SARAF: variants seen among roughly 807,000 people sequenced by gnomAD.
SARAF encodes store-operated calcium entry-associated regulatory factor.
A neutral mutation model predicts 39.7 loss-of-function variants in SARAF; 23 were observed. The observed-to-expected ratio is 0.58, with a 90% CI of 0.42 to 0.82. The LOEUF (loss-of-function observed/expected upper bound fraction) is 0.82. SARAF is among the 40% of genes least tolerant of loss of function. The pLI, the probability that SARAF is intolerant of heterozygous loss-of-function variation, is 0.00. For synonymous variants in SARAF, 175 were observed against 168.5 expected (o/e 1.04, Z -0.30); for missense variants, 384 against 418.5 (o/e 0.92, Z 0.72).
intron 1 of SARAF, among the ~76,000 whole-genome samples, chr8:30,076,576 T>A (rs755922118): frequency 3.3e-5 from 5 of 152,238 alleles, no homozygotes; most frequent in Non-Finnish European, 7.3e-5. Flanking sequence ...GTCCCTGCTA[T>A]GGTTTGAATG....
intron 1 of SARAF, among the ~76,000 whole-genome samples, chr8:30,075,261 T>C (rs550808016): frequency 2.0e-5 from 3 of 149,266 alleles, no homozygotes; most frequent in South Asian, 2.1e-4. Context: ...GATCACACCA[T>C]TGCACTCCAG....
chr8:30,082,501 T>G, intron 1 of SARAF: 1 of 210,488 alleles, frequency 4.8e-6, no homozygotes, highest in Non-Finnish European at 9.6e-6. Context: ...CACACAGCCA[T>G]AACAACAAAG....
At position 30,069,777 on chromosome 8, in the gene SARAF, C is replaced by T. The variant is rs560612330; in HGVS notation, c.565G>A (p.Val189Ile). 2 of 1,614,138 alleles carry T rather than the reference C, an allele frequency of 1.2e-6. No homozygotes were observed. The highest frequency in any genetic ancestry group is 2.2e-5 in the East Asian group (1 of 44,870). The change falls in exon 3 of 6, where the codon GTC (valine) becomes ATC (isoleucine). Residue 189 changes from valine to isoleucine, a missense_variant. Val to Ile is a conservative substitution (Grantham distance 29, BLOSUM62 3). Coordinates refer to ENST00000256255, the MANE Select transcript of SARAF (RefSeq NM_016127.6). ...CCGTCACTCAGGAACAGCTTATAGA[C>T]TACAAACGCGATCCCAAGGAGTACC... ...IVVLLGIAFV[V>I]YKLFLSDGQY... is the part of the protein sequence containing the mutation.
At chr8:30,073,788 T>G (rs2117434476) in intron 2 of SARAF, 89 bp downstream of exon 2, 3 of 1,156,292 alleles carry the variant, frequency 2.6e-6, no homozygotes, top group Non-Finnish European at 3.7e-6. Context: ...TTTCCGTAGG[T>G]GCACCCTCAA....
intron 5 of SARAF, among the ~76,000 whole-genome samples, chr8:30,064,688 A>C (rs1475056072): frequency 6.7e-6 from 1 of 150,058 alleles, no homozygotes; most frequent in African/African-American, 2.5e-5. Context: ...TCACCCTCCC[A>C]AATAGCTGGG....
chr8:30,063,907 C>T lies in SARAF; in HGVS notation c.1001G>A (p.Gly334Asp), dbSNP rs748398717. Residue 334 changes from glycine to aspartate, a missense_variant, in exon 6 of 6, where the codon GGT (glycine) becomes GAT (aspartate). Physicochemically the swap from Gly to Asp is moderately conservative, Grantham distance 94 (BLOSUM62 -1). Coordinates refer to ENST00000256255, the MANE Select transcript of SARAF (RefSeq NM_016127.6). ...TCTACTTTATCGTCTCCTGGTACCA[C>T]CATATCCTAGAATGAGAGGGGTAAA... ...DTKTRTASGYGGTRRR is the reference protein window; with the variant it reads ...DTKTRTASGYDGTRRR The T allele has an allele frequency of 6.2e-7, 1 of 1,610,220 alleles. No homozygotes were observed. The highest frequency in any genetic ancestry group is 1.1e-5 in the South Asian group (1 of 90,104).
intron 3 of SARAF, among the ~76,000 whole-genome samples, chr8:30,069,419 C>T (rs60555659): frequency 0.071 from 10,816 of 152,014 alleles, 441 homozygotes; most frequent in African/African-American, 0.11. Flanking sequence ...GGATTACAGG[C>T]GTGAGCCACC....
chr8:30,081,816 T>C (rs766911611), intron 1 of SARAF, among the ~76,000 whole-genome samples: 4 of 151,898 alleles, frequency 2.6e-5, no homozygotes, highest in African/African-American at 7.3e-5. Context: ...TCTAAGTATA[T>C]AGACATATAC....
At chr8:30,080,692 G>A (rs1355406573) in intron 1 of SARAF, among the ~76,000 whole-genome samples, 1 of 152,176 alleles carries the variant, frequency 6.6e-6, no homozygotes, top group Non-Finnish European at 1.5e-5. Context: ...AATCTCTTTA[G>A]AATGGTGCTA....
At chr8:30,078,150 A>AAAAG (rs1554527322) in intron 1 of SARAF, 11 of 349,946 alleles carry the variant, frequency 3.1e-5, no homozygotes, top group African/African-American at 2.1e-4. Flanking sequence ...AAAAAAAAAA[A>AAAAG]AAAGAAAGAA....
rs1029727869 is a variant in SARAF, at chr8:30,063,275, G to C, written c.*613C>G. The stretch of plus-strand genomic sequence containing the variant: ...TTTCAAGCATTTTTGCCAGCACAGA[G>C]TCATTCACAACAACCTTCTAGATGC... On this transcript the variant is annotated 3_prime_UTR_variant, in exon 6 of 6. Coordinates refer to ENST00000256255, the MANE Select transcript of SARAF (RefSeq NM_016127.6). 2 of 152,310 alleles carry C rather than the reference G, an allele frequency of 1.3e-5. No individual in the cohort carries two copies. Among genetic ancestry groups the C allele is most frequent in the African/African-American group, 2.4e-5 (1 of 41,430 alleles). 9.4% of individuals were successfully genotyped at this position (152,310 alleles called of 1,614,324 possible).
At chr8:30,078,003 G>A (rs377491896) in intron 1 of SARAF, among the ~76,000 whole-genome samples, 14 of 151,376 alleles carry the variant, frequency 9.2e-5, no homozygotes, top group African/African-American at 3.4e-4. Context: ...AGCCAGGCAT[G>A]GTGGCGGGCA....
At chr8:30,081,364 A>C (rs1802094853) in intron 1 of SARAF, among the ~76,000 whole-genome samples, 1 of 152,158 alleles carries the variant, frequency 6.6e-6, no homozygotes, top group Non-Finnish European at 1.5e-5. Flanking sequence ...TCCTTTATTA[A>C]ATTTATTTAC....
Position 30,083,038 on chromosome 8 carries a change from G to T in SARAF, c.-89C>A. 1 of 966,646 alleles carries T rather than the reference G, an allele frequency of 1.0e-6. No individual in the cohort carries two copies. The highest frequency in any genetic ancestry group is 1.5e-6 in the Non-Finnish European group (1 of 675,282). The allele number at this position is 966,646 out of a possible 1,614,324, so 59.9% of individuals were successfully genotyped here. A position where few individuals can be genotyped will look rare whatever the true frequency, so the allele number is the denominator to read the frequency against. On this transcript the variant is annotated 5_prime_UTR_variant, in exon 1 of 6. Coordinates refer to ENST00000256255, the MANE Select transcript of SARAF (RefSeq NM_016127.6). ...GCGCGCGACGCTGCGCAGCTACACC[G>T]CTACCCCTGGCGGCGGCGAAGGAAC...
At chr8:30,066,723 GC>G in intron 4 of SARAF, 53 bp downstream of exon 4, 1 of 1,573,028 alleles carries the variant, frequency 6.4e-7, no homozygotes, top group Non-Finnish European at 8.6e-7. Flanking sequence ...TAAATTGTAA[GC>G]AAAACAAGCC....
At chr8:30,064,002 G>T in intron 5 of SARAF, 89 bp from the exon 6 acceptor site, 1 of 1,143,178 alleles carries the variant, frequency 8.7e-7, no homozygotes, top group Non-Finnish European at 1.3e-6. Flanking sequence ...TTTATTGTCA[G>T]CAAATGAATG....
chr8:30,067,059 T>G (rs949791186), intron 3 of SARAF, 141 bp from the exon 4 acceptor site: 4 of 862,756 alleles, frequency 4.6e-6, no homozygotes, highest in Non-Finnish European at 7.1e-6. Context: ...CAAGTTGTAT[T>G]CAAAAAGGTA....
At chr8:30,065,846 T>A in intron 5 of SARAF, 142 bp downstream of exon 5, 1 of 897,620 alleles carries the variant, frequency 1.1e-6, no homozygotes, top group Non-Finnish European at 1.8e-6. Context: ...AAGTGGGATC[T>A]CAGTTAACTG....
At chr8:30,075,698 G>C (rs970043654) in intron 1 of SARAF, among the ~76,000 whole-genome samples, 16 of 152,178 alleles carry the variant, frequency 1.1e-4, no homozygotes, top group Middle Eastern at 3.4e-3. Flanking sequence ...GATGTAATAG[G>C]CATCGCTTTC....
Sources: gnomAD v4.1 joint callset for allele counts (sites outside exome capture counted in the v4.1 genomes callset) on GRCh38, gnomAD v4.1.1 for gene constraint, MANE v1.5 for transcripts, NCBI Gene and HGNC (gene_info 2026-07-23, HGNC 2026-07-21) for gene names.